Variants in PAPPA observed in about 807,000 individuals in gnomAD.
The protein encoded by PAPPA is pappalysin 1.
PAPPA carries 60 observed loss-of-function variants against 164.0 expected under a neutral mutation model. The ratio of observed to expected loss-of-function variants is 0.37; its 90% CI spans 0.30 to 0.45. PAPPA has a LOEUF of 0.45. Ranked by LOEUF, PAPPA falls within the 20% of genes least tolerant of loss-of-function variation. The probability of loss-of-function intolerance (pLI) is 1.00; values close to 1 mark genes in which losing one functional copy is unlikely to be tolerated. For missense variants in PAPPA, 1,782 were observed against 2,087.3 expected (o/e 0.85, Z 2.85); for synonymous variants, 875 against 814.1 (o/e 1.07, Z -1.27).
intron 7 of PAPPA, among the ~76,000 whole-genome samples, chr9:116,256,281 A>C (rs763759918): frequency 6.6e-5 from 10 of 152,066 alleles, no homozygotes; most frequent in Non-Finnish European, 1.0e-4. Flanking sequence ...CAATAACAAC[A>C]AAAAATAAAT....
chr9:116,194,473 G>A (rs559863533), intron 2 of PAPPA, among the ~76,000 whole-genome samples: 1 of 152,192 alleles, frequency 6.6e-6, no homozygotes, highest in Admixed American at 6.5e-5. Context: ...TTTATTTAAT[G>A]TGACTAATAT....
chr9:116,256,009 GAA>G (rs60349827), intron 7 of PAPPA, among the ~76,000 whole-genome samples: 5 of 134,376 alleles, frequency 3.7e-5, no homozygotes, highest in African/African-American at 8.1e-5. Context: ...AAAATTAAGT[GAA>G]AAAAAAAAAA....
chr9:116,177,010 C>T (rs559973333), intron 1 of PAPPA, among the ~76,000 whole-genome samples: 1 of 147,930 alleles, frequency 6.8e-6, no homozygotes, highest in Non-Finnish European at 1.5e-5. Context: ...ATTGACATGT[C>T]CATGTGGCTT....
chr9:116,232,379 A>T (rs1844609225), intron 6 of PAPPA, among the ~76,000 whole-genome samples: 1 of 152,188 alleles, frequency 6.6e-6, no homozygotes. Context: ...TAATGATCTC[A>T]TCCTATTTGA....
rs1401619528 is a variant in PAPPA, at chr9:116,335,080, G to A, written c.3611+6G>A. Reference sequence around the variant, plus strand: ...TACAGCCCTGCCGAGCAGAGGTAAGGGATCCGCGGCAGACTCGCCCTAGGC... The same window carrying A: ...TACAGCCCTGCCGAGCAGAGGTAAGAGATCCGCGGCAGACTCGCCCTAGGC... On this transcript the variant is annotated splice_donor_region_variant and intron_variant, in intron 13 of 21. Transcript: ENST00000328252. 6.2e-7 allele frequency: 1 copy of A among 1,610,468 alleles called. No homozygotes were observed. The highest frequency in any genetic ancestry group is 1.3e-5 in the African/African-American group (1 of 74,898).
intron 17 of PAPPA, 30 bp downstream of exon 17, chr9:116,353,823 C>G (rs531041579): frequency 2.5e-6 from 4 of 1,570,480 alleles, no homozygotes; most frequent in Admixed American, 1.7e-5. Flanking sequence ...AGATTGATAC[C>G]ATGGTCCCTT....
chr9:116,191,649 A>AGCAG (rs1844043935), intron 2 of PAPPA, among the ~76,000 whole-genome samples: 5 of 152,328 alleles, frequency 3.3e-5, no homozygotes, highest in Middle Eastern at 3.4e-3. Context: ...AGACTGAAAA[A>AGCAG]GCAGAGATTT....
At chr9:116,343,346 G>C (rs1363955803) in intron 13 of PAPPA, among the ~76,000 whole-genome samples, 1 of 152,152 alleles carries the variant, frequency 6.6e-6, no homozygotes, top group African/African-American at 2.4e-5. Flanking sequence ...TGGCACTGAG[G>C]AACTGAGTTT....
intron 7 of PAPPA, 133 bp from the exon 8 acceptor site, chr9:116,265,724 G>C: frequency 1.5e-6 from 1 of 653,530 alleles, no homozygotes; most frequent in Non-Finnish European, 2.7e-6. Context: ...GAAAGTATTG[G>C]ATAGCTAAAT....
chr9:116,272,007 C>A (rs942492255), intron 9 of PAPPA, among the ~76,000 whole-genome samples: 1 of 152,152 alleles, frequency 6.6e-6, no homozygotes, highest in African/African-American at 2.4e-5. Context: ...AATAGCAGAC[C>A]AGCCTGTGTT....
At chr9:116,189,227 G>A (rs1479291733) in intron 2 of PAPPA, among the ~76,000 whole-genome samples, 2 of 152,122 alleles carry the variant, frequency 1.3e-5, no homozygotes, top group Non-Finnish European at 2.9e-5. Flanking sequence ...TAGGAAATAA[G>A]GTTGAACTGT....
chr9:116,164,539 T>C (rs894381416), intron 1 of PAPPA, among the ~76,000 whole-genome samples: 6 of 152,092 alleles, frequency 3.9e-5, no homozygotes, highest in African/African-American at 1.2e-4. Context: ...AATATCGAAG[T>C]ATGTGAGTAG....
At chr9:116,289,304 CATAT>C (rs1564212331) in intron 9 of PAPPA, among the ~76,000 whole-genome samples, 1 of 137,634 alleles carries the variant, frequency 7.3e-6, no homozygotes, top group African/African-American at 2.7e-5. Context: ...ATATATATAG[CATAT>C]ATATGGCATA....
intron 21 of PAPPA, among the ~76,000 whole-genome samples, chr9:116,389,810 GTT>G (rs59843125): frequency 6.9e-6 from 1 of 145,212 alleles, no homozygotes; most frequent in African/African-American, 2.5e-5. Flanking sequence ...TTTGCCTTCT[GTT>G]TTTTTTTTTC....
Position 116,401,524 on chromosome 9 carries a change from A to AAGAT in PAPPA, c.*4910_*4913dup, listed in dbSNP as rs1298890814. 1 of 151,136 alleles carries AAGAT rather than the reference A, an allele frequency of 6.6e-6. No individual in the cohort carries two copies. Among genetic ancestry groups the AAGAT allele is most frequent in the Non-Finnish European group, 1.5e-5 (1 of 67,748 alleles). The allele number at this position is 151,136 out of a possible 1,614,324, so 9.4% of individuals were successfully genotyped here. A position where few individuals can be genotyped will look rare whatever the true frequency, so the allele number is the denominator to read the frequency against. ...CTGTCTGCAGATATCTATCTATATA[A>AAGAT]AGATATTATATATAAATATAAATTT... On this transcript the variant is annotated 3_prime_UTR_variant, in exon 22 of 22. Coordinates refer to ENST00000328252, the MANE Select transcript of PAPPA (RefSeq NM_002581.5).
At chr9:116,385,061 C>A (rs1846788897) in intron 21 of PAPPA, among the ~76,000 whole-genome samples, 1 of 151,808 alleles carries the variant, frequency 6.6e-6, no homozygotes, top group Non-Finnish European at 1.5e-5. Flanking sequence ...TGGTGAAACC[C>A]CGTCTCTACT....
intron 2 of PAPPA, among the ~76,000 whole-genome samples, chr9:116,207,005 AC>A (rs781656794): frequency 2.7e-4 from 41 of 152,250 alleles, no homozygotes; most frequent in Non-Finnish European, 5.1e-4. Context: ...GGGAACTTGA[AC>A]TTTGTCTTTC....
At chr9:116,376,991 G>A (rs1197592272) in intron 19 of PAPPA, among the ~76,000 whole-genome samples, 2 of 152,154 alleles carry the variant, frequency 1.3e-5, no homozygotes, top group African/African-American at 4.8e-5. Context: ...CTAAAATGCA[G>A]AGTCTCAGGG....
chr9:116,210,960 C>T (rs1844299014), intron 3 of PAPPA, among the ~76,000 whole-genome samples: 1 of 152,192 alleles, frequency 6.6e-6, no homozygotes, highest in Admixed American at 6.5e-5. Context: ...AAATATTCAA[C>T]ACATATTTAA....
Sources: allele counts gnomAD v4.1 joint callset (sites outside exome capture counted in the v4.1 genomes callset), GRCh38; gene constraint gnomAD v4.1.1; transcripts MANE v1.5; gene names NCBI Gene and HGNC (gene_info 2026-07-23, HGNC 2026-07-21).